PPP2R3A: variants seen among roughly 807,000 people sequenced by gnomAD.
The protein encoded by PPP2R3A is protein phosphatase 2 regulatory subunit B''alpha, also known as serine/threonine-protein phosphatase 2A regulatory subunit B'' subunit alpha.
A neutral mutation model predicts 106.9 loss-of-function variants in PPP2R3A; 80 were observed. The observed-to-expected ratio is 0.75, with a 90% CI of 0.62 to 0.90. PPP2R3A has a LOEUF of 0.90. Ranked by LOEUF, PPP2R3A falls within the 40% of genes least tolerant of loss-of-function variation. The pLI, the probability that PPP2R3A is intolerant of heterozygous loss-of-function variation, is 0.00. For synonymous variants in PPP2R3A, 483 were observed against 468.3 expected, an observed-to-expected ratio of 1.03 and a Z score of -0.41; for missense variants, 1,386 against 1,350.4, an observed-to-expected ratio of 1.03 and a Z score of -0.41.
rs72981430 is a variant in PPP2R3A at position 135,989,809 on chromosome 3, G to A, written c.-440-11250G>A. ...TATACTATAGATTTTTATTTTCAGG[G>A]AAAGAAGTTTCTCTATATTAAGTGG... On this transcript the variant is annotated intron_variant, in intron 1 of 13. Coordinates refer to ENST00000264977, the MANE Select transcript of PPP2R3A (RefSeq NM_002718.5). Among the ~76,000 whole-genome samples, 963 of 152,068 alleles carry A rather than the reference G, an allele frequency of 6.3e-3. 9 individuals carry two copies. The highest frequency in any genetic ancestry group is 0.023 in the African/African-American group (943 of 41,492).
chr3:135,973,717 T>G (rs1231465899), intron 1 of PPP2R3A, among the ~76,000 whole-genome samples: 1 of 152,184 alleles, frequency 6.6e-6, no homozygotes, highest in Non-Finnish European at 1.5e-5. Flanking sequence ...TCTATCAGCT[T>G]TTAAACTTCC....
At chr3:136,011,439 T>C in intron 2 of PPP2R3A, among the ~76,000 whole-genome samples, 1 of 152,154 alleles carries the variant, frequency 6.6e-6, no homozygotes, top group East Asian at 1.9e-4. Context: ...CTATGTTATA[T>C]TTCTGTAGTA....
chr3:136,145,154 G>T lies in PPP2R3A; in HGVS notation c.3441G>T (p.Val1147=). The T allele has an allele frequency of 6.2e-7, 1 of 1,610,048 alleles. No homozygotes were observed. The highest frequency in any genetic ancestry group is 1.1e-5 in the South Asian group (1 of 90,060). The change falls in exon 14 of 14, where the codon GTG becomes GTT. Residue 1147 remains valine, a synonymous_variant. Transcript: ENST00000264977. ...AGAAATGTGGAAAGCTTCAATCAGT[G>T]GATGAAGAATAGCTGCCGGTGTCTA... is the stretch of plus-strand genomic sequence containing the variant. ...LPEKCGKLQS[V]DEE
At chr3:136,122,977 T>C (rs1032655826) in intron 13 of PPP2R3A, among the ~76,000 whole-genome samples, 1 of 152,142 alleles carries the variant, frequency 6.6e-6, no homozygotes, top group African/African-American at 2.4e-5. Flanking sequence ...GGGGAAAAAA[T>C]CTTAAAACTA....
At chr3:136,120,291 T>TA (rs570283767) in intron 13 of PPP2R3A, among the ~76,000 whole-genome samples, 11 of 151,796 alleles carry the variant, frequency 7.2e-5, no homozygotes, top group Non-Finnish European at 1.3e-4. Context: ...TATAATTTTT[T>TA]AAAAAAAAGC....
intron 13 of PPP2R3A, among the ~76,000 whole-genome samples, chr3:136,140,460 A>G (rs1413583818): frequency 6.6e-6 from 1 of 150,770 alleles, no homozygotes; most frequent in Non-Finnish European, 1.5e-5. Context: ...AAAAAAAAAA[A>G]AAAACCCGGG....
At chr3:135,980,838 C>T (rs963643545) in intron 1 of PPP2R3A, among the ~76,000 whole-genome samples, 1 of 151,940 alleles carries the variant, frequency 6.6e-6, no homozygotes, top group East Asian at 1.9e-4. Context: ...CCCACACCCA[C>T]GTAGTGGAGT....
intron 9 of PPP2R3A, among the ~76,000 whole-genome samples, chr3:136,090,246 G>A (rs1937062349): frequency 2.0e-5 from 3 of 151,972 alleles, no homozygotes; most frequent in African/African-American, 4.8e-5. Context: ...TTGTCATAAC[G>A]GCTCTTATTA....
rs573285134 is a variant in PPP2R3A at position 135,981,858 on chromosome 3, G to C, written c.-441+16009G>C. 2.0e-5 allele frequency among the ~76,000 whole-genome samples: 3 copies of C among 151,892 alleles called. No homozygotes were observed. The South Asian group carries it at 6.2e-4, about 31-fold the overall frequency. ...AATAGTACAAGATGAGGTCAGGGAGGTGGTTAGCAGACTGAGCTATTAAAG... is the reference window on the plus strand; with the variant it reads ...AATAGTACAAGATGAGGTCAGGGAGCTGGTTAGCAGACTGAGCTATTAAAG... On this transcript the variant is annotated intron_variant, in intron 1 of 13. Coordinates refer to ENST00000264977, the MANE Select transcript of PPP2R3A (RefSeq NM_002718.5).
At chr3:136,109,173 T>C (rs1300683312) in intron 13 of PPP2R3A, among the ~76,000 whole-genome samples, 1 of 152,170 alleles carries the variant, frequency 6.6e-6, no homozygotes, top group Non-Finnish European at 1.5e-5. Context: ...ATGTGTAAGT[T>C]TCATTAGCAG....
intron 3 of PPP2R3A, among the ~76,000 whole-genome samples, chr3:136,036,831 C>G (rs1456341794): frequency 6.6e-6 from 1 of 152,200 alleles, no homozygotes; most frequent in Admixed American, 6.5e-5. Flanking sequence ...ACTCCTAATT[C>G]TCTTTTAATT....
At chr3:135,985,871 A>G (rs1386187094) in intron 1 of PPP2R3A, among the ~76,000 whole-genome samples, 1 of 152,222 alleles carries the variant, frequency 6.6e-6, no homozygotes, top group African/African-American at 2.4e-5. Context: ...TATGACAGAA[A>G]TAGTGTTGGA....
intron 8 of PPP2R3A, among the ~76,000 whole-genome samples, chr3:136,086,461 G>A (rs747665891): frequency 2.4e-4 from 37 of 151,984 alleles, no homozygotes; most frequent in Non-Finnish European, 2.2e-4. Flanking sequence ...CAGCCTGGGC[G>A]ACAGAGCGAG....
intron 1 of PPP2R3A, among the ~76,000 whole-genome samples, chr3:135,979,975 T>C (rs1937516634): frequency 6.6e-6 from 1 of 151,892 alleles, no homozygotes; most frequent in Non-Finnish European, 1.5e-5. Flanking sequence ...GGGAACACGT[T>C]AGTTCATTCC....
rs370188177 is a variant in PPP2R3A at position 136,054,767 on chromosome 3, T to C, written c.2469+5406T>C. Among the ~76,000 whole-genome samples, 12 of 152,330 alleles carry C rather than the reference T, an allele frequency of 7.9e-5. No individual in the cohort carries two copies. The South Asian group carries it at 2.3e-3, about 29-fold the overall frequency. ...GTAAAACAAGAACCTGCTAACAGTC[T>C]TAGGTAAATGGTAAAGTAACATATT... On this transcript the variant is annotated intron_variant, in intron 5 of 13. Transcript: ENST00000264977.
At chr3:136,052,161 C>T (rs1935706709) in intron 5 of PPP2R3A, among the ~76,000 whole-genome samples, 1 of 152,148 alleles carries the variant, frequency 6.6e-6, no homozygotes, top group Admixed American at 6.5e-5. Flanking sequence ...GGTTTTATTA[C>T]CAGTTCTCTA....
intron 2 of PPP2R3A, among the ~76,000 whole-genome samples, chr3:136,006,955 C>A (rs988763362): frequency 1.3e-5 from 2 of 152,174 alleles, no homozygotes; most frequent in Non-Finnish European, 2.9e-5. Flanking sequence ...AGAATCCACA[C>A]CAATAAGGGA....
intron 13 of PPP2R3A, among the ~76,000 whole-genome samples, chr3:136,125,043 A>G (rs1938133364): frequency 6.6e-6 from 1 of 152,226 alleles, no homozygotes; most frequent in African/African-American, 2.4e-5. Context: ...AGTCCAGGCC[A>G]GGCATGGTGG....
chr3:136,077,880 A>G (rs933207022), intron 6 of PPP2R3A, among the ~76,000 whole-genome samples: 4 of 152,206 alleles, frequency 2.6e-5, no homozygotes, highest in South Asian at 2.1e-4. Flanking sequence ...GAATTTCCAT[A>G]GAGTCTAGAA....
Sources: gnomAD v4.1 joint callset for allele counts (sites outside exome capture counted in the v4.1 genomes callset) on GRCh38, gnomAD v4.1.1 for gene constraint, MANE v1.5 for transcripts, NCBI Gene and HGNC (gene_info 2026-07-23, HGNC 2026-07-21) for gene names.